The following SGCZ variants were observed in gnomAD, a reference collection of about 807,000 sequenced individuals.
SGCZ encodes the protein sarcoglycan zeta.
Under a neutral mutation model 41.3 loss-of-function variants are expected in SGCZ, and 40 were observed. That is an observed-to-expected ratio of 0.97 (90% confidence interval 0.75 to 1.26). The LOEUF is 1.26. Among genes scored for constraint, SGCZ ranks in the 50% most tolerant of loss-of-function variants. The pLI is 0.00. For missense variants in SGCZ, 552 were observed against 369.8 expected (o/e 1.49, Z -4.04); for synonymous variants, 206 against 137.5 (o/e 1.50, Z -3.49).
intron 2 of SGCZ, among the ~76,000 whole-genome samples, chr8:14,409,516 A>G (rs183616838): frequency 1.4e-4 from 21 of 152,276 alleles, no homozygotes; most frequent in Non-Finnish European, 2.9e-4. Flanking sequence ...TATGTTTTAC[A>G]TGGCTGCCTC....
chr8:14,395,594 A>G lies in SGCZ; in HGVS notation c.235-71390T>C, dbSNP rs142522062. On this transcript the variant is annotated intron_variant, in intron 2 of 7. Transcript: ENST00000382080. Reference sequence around the variant, plus strand: ...TAGAAGGTGTAATATTGAAAGGAGTATTGATTTTCAATTATAAGATACAGC... The same window carrying G: ...TAGAAGGTGTAATATTGAAAGGAGTGTTGATTTTCAATTATAAGATACAGC... 2.0e-3 allele frequency among the ~76,000 whole-genome samples: 310 copies of G among 152,300 alleles called. 2 individuals are homozygous for G. The highest frequency in any genetic ancestry group is 1.5e-3 in the Non-Finnish European group (99 of 68,018).
intron 1 of SGCZ, among the ~76,000 whole-genome samples, chr8:14,555,523 C>T (rs1257841361): frequency 1.3e-5 from 2 of 151,964 alleles, no homozygotes; most frequent in East Asian, 3.9e-4. Context: ...TGAGGCCTCC[C>T]CAGAAGCAAA....
intron 1 of SGCZ, among the ~76,000 whole-genome samples, chr8:14,917,925 G>T (rs1419151483): frequency 1.3e-5 from 2 of 151,998 alleles, no homozygotes; most frequent in African/African-American, 4.8e-5. Flanking sequence ...ATTACATCAT[G>T]TTACCCTTAG....
At chr8:14,272,471 T>C (rs1216600623) in intron 3 of SGCZ, among the ~76,000 whole-genome samples, 1 of 152,216 alleles carries the variant, frequency 6.6e-6, no homozygotes, top group Admixed American at 6.5e-5. Flanking sequence ...CTGGTAGCAC[T>C]TGGAAATTTT....
chr8:14,085,067 C>T lies in SGCZ; in HGVS notation c.*5376G>A, dbSNP rs1801486574. On this transcript the variant is annotated 3_prime_UTR_variant, in exon 8 of 8. Transcript: ENST00000382080. ...ATACCCCAATTAAGTTCCATCTAAA[C>T]AAAAGATACAATAGACTGATTTTTG... Among the ~76,000 whole-genome samples the T allele has an allele frequency of 1.3e-5, 2 of 151,724 alleles. No individual in the cohort carries two copies. The highest frequency in any genetic ancestry group is 4.8e-5 in the African/African-American group (2 of 41,462).
chr8:15,097,735 AATAT>A (rs1554455105), intron 1 of SGCZ, among the ~76,000 whole-genome samples: 5 of 133,356 alleles, frequency 3.7e-5, no homozygotes, highest in African/African-American at 1.4e-4. Flanking sequence ...TAAAAAAAAA[AATAT>A]ATATATATAT....
intron 1 of SGCZ, among the ~76,000 whole-genome samples, chr8:14,606,334 C>T (rs1563148173): frequency 6.6e-6 from 1 of 151,718 alleles, no homozygotes; most frequent in Non-Finnish European, 1.5e-5. Flanking sequence ...GGTTCCTAAA[C>T]CTCCTCAACT....
intron 1 of SGCZ, among the ~76,000 whole-genome samples, chr8:15,199,423 A>C (rs1800827496): frequency 6.6e-6 from 1 of 152,152 alleles, no homozygotes. Context: ...AATGTTTTAA[A>C]TTTGTGTAAT....
rs528152012 is a variant in SGCZ, at chr8:14,761,569, T to C, written c.40-206643A>G. On this transcript the variant is annotated intron_variant, in intron 1 of 7. Coordinates refer to ENST00000382080, the MANE Select transcript of SGCZ (RefSeq NM_139167.4). The stretch of plus-strand genomic sequence containing the variant: ...TTTTTTGAGAGGGAGTCTCTCCCTG[T>C]CGCCCAGACTGGAGTGCAGCAGCGT... Among the ~76,000 whole-genome samples the C allele has an allele frequency of 4.6e-5, 7 of 150,856 alleles. No individual in the cohort carries two copies. In the East Asian group the frequency reaches 1.4e-3, roughly 29 times the overall value.
At chr8:14,535,970 TAA>T (rs1333496443) in intron 2 of SGCZ, among the ~76,000 whole-genome samples, 3 of 151,848 alleles carry the variant, frequency 2.0e-5, no homozygotes, top group Non-Finnish European at 4.4e-5. Flanking sequence ...TTTCAAAATA[TAA>T]GTTAATAAAA....
chr8:14,098,759 C>T (rs1040033983), intron 7 of SGCZ, among the ~76,000 whole-genome samples: 14 of 152,044 alleles, frequency 9.2e-5, no homozygotes, highest in African/African-American at 3.4e-4. Flanking sequence ...GAAGAGGGCT[C>T]ATGTGGGATT....
chr8:15,050,999 T>G (rs142974837), intron 1 of SGCZ, among the ~76,000 whole-genome samples: 3,036 of 152,306 alleles, frequency 0.02, 47 homozygotes, highest in Non-Finnish European at 0.026. Context: ...AAACATCACA[T>G]ATTTGTAGAA....
chr8:14,716,648 G>C (rs929872854), intron 1 of SGCZ, among the ~76,000 whole-genome samples: 4 of 151,914 alleles, frequency 2.6e-5, no homozygotes, highest in African/African-American at 7.2e-5. Context: ...CCCATCTTAG[G>C]TTTCTTGCTG....
At chr8:14,574,470 G>C (rs1043060268) in intron 1 of SGCZ, among the ~76,000 whole-genome samples, 2 of 152,114 alleles carry the variant, frequency 1.3e-5, no homozygotes, top group Non-Finnish European at 2.9e-5. Flanking sequence ...CATTCCAGAG[G>C]GATCCTGCCA....
At chr8:14,840,493 C>A (rs867407375) in intron 1 of SGCZ, among the ~76,000 whole-genome samples, 1 of 152,056 alleles carries the variant, frequency 6.6e-6, no homozygotes, top group East Asian at 1.9e-4. Context: ...CACAGTACTT[C>A]ATCAAATTCT....
chr8:14,569,657 T>C (rs991895472), intron 1 of SGCZ, among the ~76,000 whole-genome samples: 1 of 152,178 alleles, frequency 6.6e-6, no homozygotes, highest in Non-Finnish European at 1.5e-5. Flanking sequence ...AAGTGAGATG[T>C]TAAGAGGAGC....
At chr8:14,226,287 T>C (rs965353595) in intron 4 of SGCZ, among the ~76,000 whole-genome samples, 13 of 152,110 alleles carry the variant, frequency 8.5e-5, no homozygotes, top group African/African-American at 2.9e-4. Context: ...TATACTTCTG[T>C]GAATCCTAAC....
Position 14,948,193 on chromosome 8 carries a change from G to C in SGCZ, c.39+289392C>G, listed in dbSNP as rs111713821. Among the ~76,000 whole-genome samples the C allele has an allele frequency of 5.3e-3, 807 of 152,250 alleles. 11 individuals carry two copies. The highest frequency in any genetic ancestry group is 0.019 in the African/African-American group (773 of 41,538). ...CTCATCAAGATTTAAATTACTGAGT[G>C]AAGGAGGCATATGGAAAAAATATCA... On this transcript the variant is annotated intron_variant, in intron 1 of 7. Transcript: ENST00000382080.
intron 1 of SGCZ, among the ~76,000 whole-genome samples, chr8:15,162,594 G>T (rs756016022): frequency 1.4e-4 from 22 of 152,142 alleles, no homozygotes; most frequent in Admixed American, 2.0e-4. Context: ...TATGGCATCG[G>T]CCTTTGAAAT....
Sources: allele counts gnomAD v4.1 joint callset (sites outside exome capture counted in the v4.1 genomes callset), GRCh38; gene constraint gnomAD v4.1.1; transcripts MANE v1.5; gene names NCBI Gene and HGNC (gene_info 2026-07-23, HGNC 2026-07-21).